ROBO1: variants seen among roughly 807,000 people sequenced by gnomAD.
ROBO1 encodes the protein roundabout homolog 1.
In ROBO1, 149 loss-of-function variants were observed where a neutral mutation model predicts 195.9. The ratio of observed to expected loss-of-function variants is 0.76; its 90% CI spans 0.67 to 0.87. The LOEUF (loss-of-function observed/expected upper bound fraction) is 0.87. Ranked by LOEUF, ROBO1 falls within the 40% of genes least tolerant of loss-of-function variation. ROBO1 has a pLI of 0.00. For synonymous variants in ROBO1, 816 were observed against 733.2 expected (o/e 1.11, Z -1.82); for missense variants, 1,933 against 2,068.3 (o/e 0.93, Z 1.27).
chr3:79,464,576 C>G (rs1937846553), intron 2 of ROBO1, among the ~76,000 whole-genome samples: 1 of 152,164 alleles, frequency 6.6e-6, no homozygotes, highest in African/African-American at 2.4e-5. Flanking sequence ...AACATCTATT[C>G]AGATCCTTTG....
chr3:78,955,684 T>C (rs1389635218), intron 3 of ROBO1, among the ~76,000 whole-genome samples: 1 of 152,190 alleles, frequency 6.6e-6, no homozygotes, highest in East Asian at 1.9e-4. Flanking sequence ...ACTTGTGTTA[T>C]ACTTCAATAA....
chr3:78,947,065 A>T (rs2040486370), intron 3 of ROBO1, among the ~76,000 whole-genome samples: 1 of 152,112 alleles, frequency 6.6e-6, no homozygotes, highest in South Asian at 2.1e-4. Context: ...CTCCCACACA[A>T]TAATAATGGG....
intron 3 of ROBO1, among the ~76,000 whole-genome samples, chr3:78,977,765 C>CCT (rs2076913254): frequency 6.6e-6 from 1 of 152,010 alleles, no homozygotes; most frequent in South Asian, 2.1e-4. Flanking sequence ...CTCCTACTCA[C>CCT]TGAGGTATGC....
At chr3:78,613,399 T>C (rs748406990) in intron 28 of ROBO1, among the ~76,000 whole-genome samples, 1 of 152,066 alleles carries the variant, frequency 6.6e-6, no homozygotes, top group Non-Finnish European at 1.5e-5. Context: ...GCTGGTAGAG[T>C]TGGGGGATTT....
At chr3:78,697,002 T>A (rs1044275566) in intron 8 of ROBO1, among the ~76,000 whole-genome samples, 1 of 150,914 alleles carries the variant, frequency 6.6e-6, no homozygotes, top group Non-Finnish European at 1.5e-5. Context: ...ATCAAAACAG[T>A]ATATTTTGAC....
rs1473926725 is a variant in ROBO1 at position 79,557,737 on chromosome 3, A to T, written c.88+32087T>A. ...AACAGAGCGAGACTGTCTTAAAACA[A>T]AAAAAAATATATATATATATATATA... is the stretch of plus-strand genomic sequence containing the variant. On this transcript the variant is annotated intron_variant, in intron 2 of 30. Transcript: ENST00000464233. Among the ~76,000 whole-genome samples the T allele has an allele frequency of 1.0e-3, 140 of 139,928 alleles. 3 individuals carry two copies. Among genetic ancestry groups the T allele is most frequent in the African/African-American group, 3.4e-3 (127 of 36,936 alleles). The allele number at this position is 139,928 out of a possible 152,430, so 91.8% of individuals were successfully genotyped here.
intron 2 of ROBO1, among the ~76,000 whole-genome samples, chr3:79,331,259 C>T (rs2034428231): frequency 6.6e-6 from 1 of 152,058 alleles, no homozygotes; most frequent in Non-Finnish European, 1.5e-5. Flanking sequence ...CTTGAATTCA[C>T]CATTAAAAAA....
intron 8 of ROBO1, among the ~76,000 whole-genome samples, chr3:78,689,054 G>A (rs1419177821): frequency 6.6e-6 from 1 of 152,128 alleles, no homozygotes; most frequent in Admixed American, 6.5e-5. Flanking sequence ...CCTACACATT[G>A]TAAATATACC....
chr3:79,195,814 T>C (rs1255897480), intron 2 of ROBO1, among the ~76,000 whole-genome samples: 2 of 151,428 alleles, frequency 1.3e-5, no homozygotes, highest in African/African-American at 2.4e-5. Context: ...GATGCTAATG[T>C]CTCTTTTTAA....
chr3:79,755,210 C>A (rs2107494689), intron 1 of ROBO1, among the ~76,000 whole-genome samples: 1 of 152,028 alleles, frequency 6.6e-6, no homozygotes, highest in Middle Eastern at 3.4e-3. Flanking sequence ...GTTTCTTATA[C>A]CCTCAAATTA....
intron 4 of ROBO1, among the ~76,000 whole-genome samples, chr3:78,898,507 C>A (rs2037390422): frequency 6.6e-6 from 1 of 150,866 alleles, no homozygotes; most frequent in African/African-American, 2.4e-5. Context: ...CCTGCCTCGG[C>A]CTCCCAAGTA....
intron 2 of ROBO1, among the ~76,000 whole-genome samples, chr3:79,460,130 T>C (rs768158631): frequency 2.6e-5 from 4 of 152,170 alleles, no homozygotes; most frequent in Non-Finnish European, 5.9e-5. Flanking sequence ...AATATATCTA[T>C]TACTCTGGCC....
intron 1 of ROBO1, among the ~76,000 whole-genome samples, chr3:79,632,384 C>T (rs1945371450): frequency 6.6e-6 from 1 of 152,044 alleles, no homozygotes; most frequent in Admixed American, 6.6e-5. Flanking sequence ...AGTAGTAAAT[C>T]AAATACCACA....
intron 1 of ROBO1, among the ~76,000 whole-genome samples, chr3:79,703,410 A>G (rs1166678554): frequency 6.6e-6 from 1 of 151,724 alleles, no homozygotes; most frequent in African/African-American, 2.4e-5. Flanking sequence ...ATCTCTTAAT[A>G]TAATGAAAAT....
intron 21 of ROBO1, among the ~76,000 whole-genome samples, chr3:78,644,064 A>T (rs1035224082): frequency 2.0e-5 from 3 of 152,028 alleles, no homozygotes; most frequent in African/African-American, 7.2e-5. Flanking sequence ...ACACAAGAGA[A>T]GTCAGTGTAG....
chr3:78,881,398 T>C (rs1442076979), intron 4 of ROBO1, among the ~76,000 whole-genome samples: 1 of 152,138 alleles, frequency 6.6e-6, no homozygotes, highest in East Asian at 1.9e-4. Context: ...GTGAAAATGG[T>C]TAGTCTCATG....
intron 2 of ROBO1, among the ~76,000 whole-genome samples, chr3:79,136,185 T>C (rs2080404939): frequency 6.6e-6 from 1 of 152,212 alleles, no homozygotes; most frequent in African/African-American, 2.4e-5. Flanking sequence ...ATTGTGGAAA[T>C]GTAGAGGCCT....
intron 3 of ROBO1, among the ~76,000 whole-genome samples, chr3:79,022,962 C>G (rs2078131344): frequency 6.6e-6 from 1 of 152,136 alleles, no homozygotes. Context: ...CACAGGAACT[C>G]TGGAAATAAC....
At chr3:78,879,057 G>A (rs1009345389) in intron 4 of ROBO1, among the ~76,000 whole-genome samples, 1 of 152,134 alleles carries the variant, frequency 6.6e-6, no homozygotes, top group Non-Finnish European at 1.5e-5. Context: ...GCAGTTGTCT[G>A]CTCTTTCCTT....
Sources: gnomAD v4.1 joint callset for allele counts (sites outside exome capture counted in the v4.1 genomes callset) on GRCh38, gnomAD v4.1.1 for gene constraint, MANE v1.5 for transcripts, NCBI Gene and HGNC (gene_info 2026-07-23, HGNC 2026-07-21) for gene names.